The following PTCHD4 variants were observed in gnomAD, a reference collection of about 807,000 sequenced individuals.
PTCHD4 encodes patched domain containing 4, also known as patched domain-containing protein 4.
In PTCHD4, 33 loss-of-function variants were observed where a neutral mutation model predicts 58.1. The observed-to-expected ratio is 0.57, with a 90% CI of 0.43 to 0.76. PTCHD4 has a LOEUF of 0.76. Ranked by LOEUF, PTCHD4 falls within the 30% of genes least tolerant of loss-of-function variation. PTCHD4 has a pLI of 0.00. For synonymous variants in PTCHD4, 478 were observed against 409.6 expected, an observed-to-expected ratio of 1.17 and a Z score of -2.02; for missense variants, 1,058 against 1,027.1, an observed-to-expected ratio of 1.03 and a Z score of -0.41.
intron 4 of PTCHD4, among the ~76,000 whole-genome samples, chr6:47,973,101 T>C (rs7756542): frequency 0.15 from 23,472 of 152,200 alleles, 2,001 homozygotes; most frequent in South Asian, 0.25. Context: ...GAGTCAGAAA[T>C]GTGTGCTTAA....
At chr6:47,927,180 T>A (rs373360909) in intron 4 of PTCHD4, among the ~76,000 whole-genome samples, 2 of 152,316 alleles carry the variant, frequency 1.3e-5, no homozygotes, top group South Asian at 2.1e-4. Context: ...GAACTAGATA[T>A]GCTTATGTGC....
rs925040799 is a variant in PTCHD4, at chr6:47,866,506, A to T, written c.*11797T>A. 6.6e-6 allele frequency among the ~76,000 whole-genome samples: 1 copy of T among 151,794 alleles called. No homozygotes were observed. The highest frequency in any genetic ancestry group is 1.5e-5 in the Non-Finnish European group (1 of 67,850). On this transcript the variant is annotated 3_prime_UTR_variant, in exon 5 of 5. Transcript: ENST00000339488. ...TTGTTGACCATGGTCTCGTATGGCC[A>T]CTTGGTTGTTGGATTTATCTCCATT...
intron 3 of PTCHD4, among the ~76,000 whole-genome samples, chr6:48,042,238 C>T (rs764629434): frequency 6.6e-5 from 10 of 151,950 alleles, no homozygotes; most frequent in Non-Finnish European, 1.2e-4. Flanking sequence ...AATTATTAAT[C>T]GAAATCCAAG....
intron 4 of PTCHD4, among the ~76,000 whole-genome samples, chr6:47,926,478 G>T (rs1455823005): frequency 6.6e-6 from 1 of 152,170 alleles, no homozygotes; most frequent in Non-Finnish European, 1.5e-5. Context: ...TGGATAAGCA[G>T]CATCAGCTTG....
chr6:48,035,655 C>T (rs192720156), intron 3 of PTCHD4, among the ~76,000 whole-genome samples: 62 of 152,122 alleles, frequency 4.1e-4, no homozygotes, highest in African/African-American at 1.4e-3. Flanking sequence ...AGCAAGAATC[C>T]TCCTAGGTCA....
At chr6:48,001,618 T>G (rs1160643293) in intron 4 of PTCHD4, among the ~76,000 whole-genome samples, 5 of 152,202 alleles carry the variant, frequency 3.3e-5, no homozygotes, top group Non-Finnish European at 7.3e-5. Context: ...TCAAGACGTA[T>G]TAAAGACCTA....
chr6:47,922,123 T>A (rs1765452864), intron 4 of PTCHD4, among the ~76,000 whole-genome samples: 1 of 151,828 alleles, frequency 6.6e-6, no homozygotes, highest in East Asian at 1.9e-4. Context: ...GGCCACAGAG[T>A]AAGACCCTGT....
chr6:47,956,530 T>C (rs2113958600), intron 4 of PTCHD4, among the ~76,000 whole-genome samples: 1 of 152,032 alleles, frequency 6.6e-6, no homozygotes, highest in Middle Eastern at 3.4e-3. Context: ...ACCTCCTGGG[T>C]TCACGCCATT....
At chr6:47,962,392 A>G (rs180850017) in intron 4 of PTCHD4, among the ~76,000 whole-genome samples, 203 of 152,226 alleles carry the variant, frequency 1.3e-3, no homozygotes, top group Non-Finnish European at 2.1e-3. Context: ...AAACTATATG[A>G]TATGGTTTGG....
At chr6:47,953,108 G>T (rs35449583) in intron 4 of PTCHD4, among the ~76,000 whole-genome samples, 1,825 of 151,960 alleles carry the variant, frequency 0.012, 20 homozygotes, top group Middle Eastern at 0.021. Context: ...CACTATAAAT[G>T]ACAGAATGTA....
At chr6:47,944,931 C>T (rs914851340) in intron 4 of PTCHD4, among the ~76,000 whole-genome samples, 1 of 151,594 alleles carries the variant, frequency 6.6e-6, no homozygotes, top group Non-Finnish European at 1.5e-5. Context: ...AATATAGAAT[C>T]CTGTAAGAAA....
At position 48,065,448 on chromosome 6, in the gene PTCHD4, T is replaced by C. The variant is rs528628016; in HGVS notation, c.417+2782A>G. 1.1e-4 allele frequency among the ~76,000 whole-genome samples: 17 copies of C among 152,314 alleles called. No homozygotes were observed. The East Asian group carries it at 3.3e-3, about 29-fold the overall frequency. Reference sequence around the variant, plus strand: ...TACATATAAAAATTTTCCTCAAATCTTGTACACCAGGAGTTCTCACATGTT... The same window carrying C: ...TACATATAAAAATTTTCCTCAAATCCTGTACACCAGGAGTTCTCACATGTT... On this transcript the variant is annotated intron_variant, in intron 3 of 4. Coordinates refer to ENST00000339488, the MANE Select transcript of PTCHD4 (RefSeq NM_001384253.1).
At position 47,862,843 on chromosome 6, in the gene PTCHD4, T is replaced by G. The variant is rs1423106033; in HGVS notation, c.*15460A>C. 6.6e-5 allele frequency among the ~76,000 whole-genome samples: 10 copies of G among 151,898 alleles called. No individual in the cohort carries two copies. On this transcript the variant is annotated 3_prime_UTR_variant, in exon 5 of 5. Coordinates refer to ENST00000339488, the MANE Select transcript of PTCHD4 (RefSeq NM_001384253.1). ...AAAGACAGGCTTCTCTAACATGACA[T>G]TATCAATGTTTGCTTCCTGGAACAC...
At chr6:48,000,505 T>G (rs148757586) in intron 4 of PTCHD4, among the ~76,000 whole-genome samples, 1 of 152,304 alleles carries the variant, frequency 6.6e-6, no homozygotes, top group African/African-American at 2.4e-5. Context: ...TAGAGATTTC[T>G]AGTTATCTTT....
chr6:47,974,995 AAAACAAAC>A (rs545655053), intron 4 of PTCHD4, among the ~76,000 whole-genome samples: 2 of 152,142 alleles, frequency 1.3e-5, no homozygotes, highest in African/African-American at 4.8e-5. Context: ...ATTCCATGGT[AAAACAAAC>A]AAACAAACAA....
In PTCHD4 at chr6:47,863,368, C is replaced by T. The variant is rs1763478539; in HGVS notation, c.*14935G>A. ...AAATTTAAGCTTCATTAGCTACATG[C>T]TACACTTGCATATCCCACATGAAAA... On this transcript the variant is annotated 3_prime_UTR_variant, in exon 5 of 5. Coordinates refer to ENST00000339488, the MANE Select transcript of PTCHD4 (RefSeq NM_001384253.1). Among the ~76,000 whole-genome samples, 1 of 151,870 alleles carries T rather than the reference C, an allele frequency of 6.6e-6. No homozygotes were observed. Among genetic ancestry groups the T allele is most frequent in the Non-Finnish European group, 1.5e-5 (1 of 67,896 alleles).
intron 1 of PTCHD4, among the ~76,000 whole-genome samples, chr6:48,088,773 G>T (rs1765308919): frequency 6.6e-6 from 1 of 152,152 alleles, no homozygotes; most frequent in East Asian, 1.9e-4. Flanking sequence ...GCCAGGTGCA[G>T]TAGCTCACTC....
At position 47,874,783 on chromosome 6, in the gene PTCHD4, T is replaced by C. The variant is rs956753619; in HGVS notation, c.*3520A>G. Reference sequence around the variant, plus strand: ...GAATAGTTCTTTCATAGAATACTCATGCACAGCCTTCAAAGAGGTTCATAG... The same window carrying C: ...GAATAGTTCTTTCATAGAATACTCACGCACAGCCTTCAAAGAGGTTCATAG... On this transcript the variant is annotated 3_prime_UTR_variant, in exon 5 of 5. Transcript: ENST00000339488. Among the ~76,000 whole-genome samples, 2 of 151,832 alleles carry C rather than the reference T, an allele frequency of 1.3e-5. No individual in the cohort carries two copies. The highest frequency in any genetic ancestry group is 4.8e-5 in the African/African-American group (2 of 41,406).
chr6:48,039,143 A>G (rs1469720780), intron 3 of PTCHD4, among the ~76,000 whole-genome samples: 2 of 152,142 alleles, frequency 1.3e-5, no homozygotes, highest in Non-Finnish European at 2.9e-5. Flanking sequence ...AGAGCAGACA[A>G]TGCAAATGCC....
Sources: allele counts gnomAD v4.1 joint callset (sites outside exome capture counted in the v4.1 genomes callset), GRCh38; gene constraint gnomAD v4.1.1; transcripts MANE v1.5; gene names NCBI Gene and HGNC (gene_info 2026-07-23, HGNC 2026-07-21).